Variants in UBE2E1 observed in about 807,000 individuals in gnomAD.
UBE2E1 encodes the protein ubiquitin conjugating enzyme E2 E1, also known as ubiquitin-conjugating enzyme E2 E1.
A neutral mutation model predicts 21.4 loss-of-function variants in UBE2E1; 6 were observed. The ratio of observed to expected loss-of-function variants is 0.28; its 90% CI spans 0.15 to 0.55. The LOEUF is 0.55. UBE2E1 is among the 20% of genes least tolerant of loss of function. The pLI, the probability that UBE2E1 is intolerant of heterozygous loss-of-function variation, is 0.93. For synonymous variants in UBE2E1, 87 were observed against 82.7 expected (o/e 1.05, Z -0.28); for missense variants, 142 against 236.5 (o/e 0.60, Z 2.62).
rs1699546736 is a variant in UBE2E1, at chr3:23,817,360, T to G, written c.203+5850T>G. 2.0e-5 allele frequency among the ~76,000 whole-genome samples: 3 copies of G among 147,120 alleles called. No homozygotes were observed. The South Asian group carries it at 6.4e-4, about 31-fold the overall frequency. On this transcript the variant is annotated intron_variant, in intron 3 of 5. Transcript: ENST00000306627. ...TTGCTTGAACCCTGGAGGCAGAGGT[T>G]GCAGTGAGCCAAGATTACGCCACTG...
At chr3:23,845,600 T>TGTGTGTGTGTGTGTGG in intron 3 of UBE2E1, among the ~76,000 whole-genome samples, 1 of 150,344 alleles carries the variant, frequency 6.7e-6, no homozygotes, top group Non-Finnish European at 1.5e-5. Context: ...TGTGTGTGTG[T>TGTGTGTGTGTGTGTGG]GTGTGTGTGT....
Position 23,870,362 on chromosome 3 carries a change from GA to G in UBE2E1, c.204-17204del, listed in dbSNP as rs1436291757. ...AATATCACCAGCCCATATTCAGAGG[GA>G]GGGGAATTAGACTCTGCCTCTTTGA... On this transcript the variant is annotated intron_variant, in intron 3 of 5. Transcript: ENST00000306627. This position sits in a 1 kb window ranked among gnomAD's most constrained non-coding sequence, Gnocchi z 4.2. Among the ~76,000 whole-genome samples the G allele has an allele frequency of 6.6e-6, 1 of 152,228 alleles. No homozygotes were observed. The highest frequency in any genetic ancestry group is 1.5e-5 in the Non-Finnish European group (1 of 68,046).
At chr3:23,829,300 A>G (rs2125292428) in intron 3 of UBE2E1, among the ~76,000 whole-genome samples, 1 of 148,178 alleles carries the variant, frequency 6.7e-6, no homozygotes, top group African/African-American at 2.5e-5. Context: ...AGCTGGGACA[A>G]CAGGTGCACT....
In UBE2E1 at chr3:23,889,920, G is replaced by GTA. The variant is rs201128753; in HGVS notation, c.485-580_485-579dup. The GTA allele has an allele frequency of 4.1e-3, 647 of 157,628 alleles. 3 individuals are homozygous for GTA. The highest frequency in any genetic ancestry group is 0.013 in the African/African-American group (555 of 41,462). The allele number at this position is 157,628 out of a possible 1,614,324, so 9.8% of individuals were successfully genotyped here. ...AAAAAATATATATATATACACATAT[G>GTA]TATATATATACACACACACAGACAA... On this transcript the variant is annotated intron_variant, in intron 5 of 5. Coordinates refer to ENST00000306627, the MANE Select transcript of UBE2E1 (RefSeq NM_003341.5).
intron 3 of UBE2E1, among the ~76,000 whole-genome samples, chr3:23,833,188 A>G (rs1022170153): frequency 3.9e-5 from 6 of 152,138 alleles, no homozygotes; most frequent in African/African-American, 1.4e-4. Flanking sequence ...TTTATTTTCC[A>G]TAACGTACCT....
At chr3:23,857,130 AG>A in intron 3 of UBE2E1, among the ~76,000 whole-genome samples, 1 of 152,088 alleles carries the variant, frequency 6.6e-6, no homozygotes, top group Admixed American at 6.5e-5. Context: ...TCACATGTAG[AG>A]GGATCTGTGT....
intron 3 of UBE2E1, among the ~76,000 whole-genome samples, chr3:23,886,170 T>C (rs1271946757): frequency 1.3e-5 from 2 of 152,096 alleles, no homozygotes; most frequent in Non-Finnish European, 2.9e-5. Context: ...ACTCACTGCA[T>C]TCCAGCCTGG....
rs141097600 is a variant in UBE2E1 at position 23,822,162 on chromosome 3, C to T, written c.203+10652C>T. On this transcript the variant is annotated intron_variant, in intron 3 of 5. Transcript: ENST00000306627. ...TGATCAAGTGGGAAATGGTGCTGTG[C>T]AGTAGAAAAAGATGAAGACCAGCAA... 1.3e-3 allele frequency among the ~76,000 whole-genome samples: 196 copies of T among 152,154 alleles called. 1 individual carries two copies. The highest frequency in any genetic ancestry group is 4.4e-3 in the African/African-American group (183 of 41,508).
intron 3 of UBE2E1, among the ~76,000 whole-genome samples, chr3:23,886,813 CATTT>C (rs1701196957): frequency 6.6e-6 from 1 of 152,196 alleles, no homozygotes; most frequent in African/African-American, 2.4e-5. Context: ...TCACATCGTA[CATTT>C]ATTTAAAAGA....
intron 3 of UBE2E1, among the ~76,000 whole-genome samples, chr3:23,871,518 C>A (rs1382494817): frequency 6.6e-6 from 1 of 150,844 alleles, no homozygotes. Flanking sequence ...GGGGGCTGAC[C>A]CCCACCTCCC....
chr3:23,871,696 G>C (rs1434040323), intron 3 of UBE2E1, among the ~76,000 whole-genome samples: 2 of 151,734 alleles, frequency 1.3e-5, no homozygotes, highest in African/African-American at 4.8e-5. Context: ...TCCCAGACGG[G>C]GTCGCGGCCG....
intron 3 of UBE2E1, among the ~76,000 whole-genome samples, chr3:23,877,588 G>C (rs1446473862): frequency 1.3e-5 from 2 of 152,018 alleles, no homozygotes; most frequent in African/African-American, 2.4e-5. Context: ...CAAACGTCAG[G>C]GGGTGGGGTA....
intron 3 of UBE2E1, among the ~76,000 whole-genome samples, chr3:23,815,172 C>T (rs962726917): frequency 6.6e-6 from 1 of 152,008 alleles, no homozygotes; most frequent in Non-Finnish European, 1.5e-5. Context: ...TTGTAGAGAC[C>T]AGGTTTTACC....
intron 1 of UBE2E1, 111 bp from the exon 2 acceptor site, chr3:23,807,126 G>A: frequency 4.8e-6 from 4 of 841,452 alleles, no homozygotes; most frequent in Non-Finnish European, 5.3e-6. Flanking sequence ...GTGGAGGGCG[G>A]TGGGCGGCCG....
chr3:23,866,860 AAAT>A lies in UBE2E1; in HGVS notation c.204-20701_204-20699del, dbSNP rs1266426847. On this transcript the variant is annotated intron_variant, in intron 3 of 5. Coordinates refer to ENST00000306627, the MANE Select transcript of UBE2E1 (RefSeq NM_003341.5). ...TCCATCCAAATGTGAAAGAGAAATG[AAAT>A]AATAAGGTAGGAAAGGCAGACCAGT... Among the ~76,000 whole-genome samples the A allele has an allele frequency of 5.9e-5, 9 of 152,364 alleles. 1 individual carries two copies. The East Asian group carries it at 1.2e-3, about 20-fold the overall frequency.
chr3:23,886,337 C>T (rs1701183412), intron 3 of UBE2E1, among the ~76,000 whole-genome samples: 1 of 152,186 alleles, frequency 6.6e-6, no homozygotes, highest in Non-Finnish European at 1.5e-5. Flanking sequence ...TCTACAGTTT[C>T]CTTCTTTCTC....
chr3:23,864,208 C>CT, intron 3 of UBE2E1, among the ~76,000 whole-genome samples: 1 of 151,988 alleles, frequency 6.6e-6, no homozygotes, highest in South Asian at 2.1e-4. Context: ...CCCACTATTG[C>CT]TTTTGAAATC....
At chr3:23,848,620 C>T (rs1700260137) in intron 3 of UBE2E1, among the ~76,000 whole-genome samples, 1 of 152,070 alleles carries the variant, frequency 6.6e-6, no homozygotes, top group African/African-American at 2.4e-5. Flanking sequence ...ATACAATATA[C>T]TTAAATGCCC....
chr3:23,879,071 TC>T (rs1454618756), intron 3 of UBE2E1: 2 of 499,828 alleles, frequency 4.0e-6, no homozygotes, highest in East Asian at 5.5e-5. Context: ...ATGTATCAGT[TC>T]CTGAGAGAAT....
Sources: gnomAD v4.1 joint callset for allele counts (sites outside exome capture counted in the v4.1 genomes callset) on GRCh38, gnomAD v4.1.1 for gene constraint, Gnocchi (gnomAD v3.1) non-coding constraint, MANE v1.5 for transcripts, NCBI Gene and HGNC (gene_info 2026-07-23, HGNC 2026-07-21) for gene names.